The following KCNB2 variants were observed in gnomAD, a reference collection of about 807,000 sequenced individuals.
KCNB2 encodes the protein potassium voltage-gated channel subfamily B member 2, also known as delayed rectifier potassium channel protein.
In KCNB2, 15 loss-of-function variants were observed where a neutral mutation model predicts 61.5. The ratio of observed to expected loss-of-function variants is 0.24; its 90% CI spans 0.16 to 0.38. KCNB2 has a LOEUF of 0.38. Among genes scored for constraint, KCNB2 ranks in the 10% least tolerant of loss-of-function variants. KCNB2 has a pLI of 1.00. For synonymous variants in KCNB2, 457 were observed against 446.0 expected, an observed-to-expected ratio of 1.02 and a Z score of -0.31; for missense variants, 828 against 1,125.2, an observed-to-expected ratio of 0.74 and a Z score of 3.78.
At chr8:72,560,509 C>T (rs1283408734) in intron 1 of KCNB2, among the ~76,000 whole-genome samples, 1 of 152,058 alleles carries the variant, frequency 6.6e-6, no homozygotes, top group Admixed American at 6.6e-5. Flanking sequence ...CTGTTGGTTG[C>T]CTTCCTTATT....
intron 2 of KCNB2, among the ~76,000 whole-genome samples, chr8:72,805,226 G>A (rs1691951053): frequency 6.6e-6 from 1 of 152,128 alleles, no homozygotes; most frequent in African/African-American, 2.4e-5. Flanking sequence ...CAATAATGAA[G>A]AGGAAAAATA....
intron 1 of KCNB2, among the ~76,000 whole-genome samples, chr8:72,558,656 T>G (rs922658548): frequency 1.3e-5 from 2 of 152,184 alleles, no homozygotes; most frequent in Admixed American, 1.3e-4. Flanking sequence ...AACTAATATT[T>G]ATTGCACGTC....
At chr8:72,678,525 C>T (rs1374148573) in intron 2 of KCNB2, among the ~76,000 whole-genome samples, 1 of 152,212 alleles carries the variant, frequency 6.6e-6, no homozygotes, top group Non-Finnish European at 1.5e-5. Flanking sequence ...TTTTCTCTGC[C>T]TCTGATGCAT....
intron 2 of KCNB2, among the ~76,000 whole-genome samples, chr8:72,852,482 T>C (rs1261550981): frequency 6.6e-6 from 1 of 152,200 alleles, no homozygotes; most frequent in Non-Finnish European, 1.5e-5. Context: ...CAAACCACAG[T>C]TGAAATATTG....
chr8:72,555,934 C>A (rs1159720592), intron 1 of KCNB2, among the ~76,000 whole-genome samples: 1 of 152,012 alleles, frequency 6.6e-6, no homozygotes, highest in African/African-American at 2.4e-5. Flanking sequence ...CCACACTACT[C>A]CTTTCAATGA....
In KCNB2 at chr8:72,568,205, G is replaced by C; in HGVS notation, c.471G>C (p.Glu157Asp). 1.2e-6 allele frequency: 2 copies of C among 1,614,188 alleles called. No homozygotes were observed. The highest frequency in any genetic ancestry group is 8.5e-7 in the Non-Finnish European group (1 of 1,180,034). The change falls in exon 2 of 3, where the codon GAG (glutamate) becomes GAC (aspartate). Residue 157 changes from glutamate to aspartate, a missense_variant. Coordinates refer to ENST00000523207, the MANE Select transcript of KCNB2 (RefSeq NM_004770.3). ...ACGAAGAACTGAGGCGAGAGGCAGAGACTATGCGAGAGCGAGAAGGAGAAG... is the reference window on the plus strand; with the variant it reads ...ACGAAGAACTGAGGCGAGAGGCAGACACTATGCGAGAGCGAGAAGGAGAAG... Reference protein sequence around the residue: ...QMNEELRREAETMREREGEEF... With the variant: ...QMNEELRREADTMREREGEEF...
At chr8:72,681,245 A>G (rs1246854245) in intron 2 of KCNB2, among the ~76,000 whole-genome samples, 1 of 152,192 alleles carries the variant, frequency 6.6e-6, no homozygotes, top group Admixed American at 6.5e-5. Context: ...TTAAGAATAG[A>G]AAAAAGACAG....
At chr8:72,862,696 A>G (rs368875066) in intron 2 of KCNB2, among the ~76,000 whole-genome samples, 4 of 152,182 alleles carry the variant, frequency 2.6e-5, no homozygotes, top group East Asian at 1.9e-4. Flanking sequence ...TACTGTTACT[A>G]TCATTACTCA....
intron 2 of KCNB2, among the ~76,000 whole-genome samples, chr8:72,664,399 T>C (rs549727065): frequency 2.3e-4 from 35 of 152,324 alleles, no homozygotes; most frequent in African/African-American, 8.2e-4. Context: ...CATAAACACA[T>C]CCAGAGATAA....
At chr8:72,721,293 G>T (rs1181971847) in intron 2 of KCNB2, among the ~76,000 whole-genome samples, 1 of 152,218 alleles carries the variant, frequency 6.6e-6, no homozygotes, top group Non-Finnish European at 1.5e-5. Context: ...TCCGGGGGTT[G>T]CTGTCTTTGC....
intron 2 of KCNB2, among the ~76,000 whole-genome samples, chr8:72,669,347 T>C (rs1004491728): frequency 6.6e-6 from 1 of 152,234 alleles, no homozygotes; most frequent in Non-Finnish European, 1.5e-5. Context: ...AGTAAGACTT[T>C]AAAGTAAGTA....
chr8:72,663,666 TG>T (rs1806415609), intron 2 of KCNB2, among the ~76,000 whole-genome samples: 2 of 152,162 alleles, frequency 1.3e-5, no homozygotes, highest in South Asian at 4.1e-4. Flanking sequence ...GAAAAGTCAC[TG>T]GAGCTATTTG....
At chr8:72,928,273 A>G (rs1806697079) in intron 2 of KCNB2, among the ~76,000 whole-genome samples, 2 of 151,106 alleles carry the variant, frequency 1.3e-5, no homozygotes. Flanking sequence ...GCTCACTGCA[A>G]TCTCCATCTC....
At chr8:72,741,990 G>T (rs961472506) in intron 2 of KCNB2, among the ~76,000 whole-genome samples, 1 of 152,134 alleles carries the variant, frequency 6.6e-6, no homozygotes, top group Admixed American at 6.6e-5. Context: ...CCACTATTGG[G>T]TATCTACCCA....
At chr8:72,804,654 T>A (rs2128999996) in intron 2 of KCNB2, among the ~76,000 whole-genome samples, 1 of 152,284 alleles carries the variant, frequency 6.6e-6, no homozygotes, top group Admixed American at 6.5e-5. Flanking sequence ...CATTTGAAAA[T>A]GACTTGTGGG....
chr8:72,810,001 T>G (rs1275290081), intron 2 of KCNB2, among the ~76,000 whole-genome samples: 1 of 152,180 alleles, frequency 6.6e-6, no homozygotes, highest in Non-Finnish European at 1.5e-5. Context: ...CCCATTGGCT[T>G]AATATCCCTC....
intron 2 of KCNB2, among the ~76,000 whole-genome samples, chr8:72,632,837 G>T (rs1368665225): frequency 6.6e-6 from 1 of 152,158 alleles, no homozygotes; most frequent in Non-Finnish European, 1.5e-5. Flanking sequence ...AGCATTTTAT[G>T]TCTATTTGTT....
At chr8:72,773,365 C>A (rs1004127710) in intron 2 of KCNB2, among the ~76,000 whole-genome samples, 1 of 152,166 alleles carries the variant, frequency 6.6e-6, no homozygotes, top group Non-Finnish European at 1.5e-5. Context: ...AGACTCTAAT[C>A]CAGTCATGTC....
At chr8:72,893,870 T>C (rs1017256990) in intron 2 of KCNB2, among the ~76,000 whole-genome samples, 3 of 152,050 alleles carry the variant, frequency 2.0e-5, no homozygotes, top group Non-Finnish European at 4.4e-5. Flanking sequence ...AACCCAGGGG[T>C]GTGCCATCAA....
Sources: allele counts gnomAD v4.1 joint callset (sites outside exome capture counted in the v4.1 genomes callset), GRCh38; gene constraint gnomAD v4.1.1; transcripts MANE v1.5; gene names NCBI Gene and HGNC (gene_info 2026-07-23, HGNC 2026-07-21).